The following NCS1 variants were observed in gnomAD, a reference collection of about 807,000 sequenced individuals.
NCS1 encodes the protein frequenin homolog.
In NCS1, 6 loss-of-function variants were observed where a neutral mutation model predicts 28.4. That is an observed-to-expected ratio of 0.21 (90% CI 0.12 to 0.42). The LOEUF is 0.42. Ranked by LOEUF, NCS1 falls within the 10% of genes least tolerant of loss-of-function variation. NCS1 has a pLI of 1.00. For synonymous variants in NCS1, 86 were observed against 99.3 expected (o/e 0.87, Z 0.79); for missense variants, 131 against 241.4 (o/e 0.54, Z 3.03).
intron 6 of NCS1, among the ~76,000 whole-genome samples, chr9:130,223,781 A>AT (rs1189604572): frequency 8.6e-5 from 13 of 151,950 alleles, no homozygotes; most frequent in African/African-American, 2.7e-4. Context: ...AAAAAGGCTG[A>AT]TTTTTTTTCC....
intron 2 of NCS1, among the ~76,000 whole-genome samples, chr9:130,208,727 C>A (rs1490808967): frequency 1.3e-5 from 2 of 152,220 alleles, no homozygotes; most frequent in African/African-American, 2.4e-5. Flanking sequence ...GCGGAGACAG[C>A]CTCTCAGCAA....
At chr9:130,208,063 CTG>C (rs1212479606) in intron 2 of NCS1, among the ~76,000 whole-genome samples, 6 of 152,158 alleles carry the variant, frequency 3.9e-5, no homozygotes, top group African/African-American at 7.2e-5. Flanking sequence ...GTAAAGGTGA[CTG>C]TGAGCTCTGT....
chr9:130,221,447 G>GAGAGAAAGAGAGAGAA (rs1833300956), intron 4 of NCS1, among the ~76,000 whole-genome samples: 1 of 140,414 alleles, frequency 7.1e-6, no homozygotes, highest in Non-Finnish European at 1.5e-5. Flanking sequence ...GAGAGAGAGA[G>GAGAGAAAGAGAGAGAA]AGAGAAAGAG....
At chr9:130,214,512 C>T (rs1833157114) in intron 2 of NCS1, among the ~76,000 whole-genome samples, 1 of 152,160 alleles carries the variant, frequency 6.6e-6, no homozygotes, top group Admixed American at 6.5e-5. Context: ...GGGATTCCTG[C>T]TGAACTGACT....
At chr9:130,185,228 C>A (rs781791048) in intron 1 of NCS1, among the ~76,000 whole-genome samples, 8 of 152,240 alleles carry the variant, frequency 5.3e-5, no homozygotes, top group African/African-American at 9.6e-5. Flanking sequence ...CTGTGAGGAC[C>A]GACTGCATCT....
intron 1 of NCS1, among the ~76,000 whole-genome samples, chr9:130,185,776 G>A (rs1274101846): frequency 6.6e-6 from 1 of 152,270 alleles, no homozygotes; most frequent in Non-Finnish European, 1.5e-5. Context: ...CACTGGCCGG[G>A]TTCTTGCCCC....
rs532168572 is a variant in NCS1 at position 130,180,977 on chromosome 9, C to A, written c.64+8250C>A. Among the ~76,000 whole-genome samples, 2 of 152,230 alleles carry A rather than the reference C, an allele frequency of 1.3e-5. No homozygotes were observed. The highest frequency in any genetic ancestry group is 4.1e-4 in the South Asian group (2 of 4,826). ...GCAGGCTGGCTTTTAGGCTCCTGTG[C>A]GCCCAGGGGCTCAGAGGATGGACAG... On this transcript the variant is annotated intron_variant, in intron 1 of 7. Coordinates refer to ENST00000372398, the MANE Select transcript of NCS1 (RefSeq NM_014286.4). The surrounding 1 kb of genome is among the most constrained non-coding windows in gnomAD (Gnocchi z 4.5).
intron 1 of NCS1, 33 bp downstream of exon 1, chr9:130,172,760 C>T (rs1832500445): frequency 1.5e-6 from 2 of 1,357,086 alleles, no homozygotes; most frequent in African/African-American, 3.1e-5. Context: ...CCGCGCCCCG[C>T]GGTCACCCCC....
chr9:130,184,018 G>A (rs1554905419), intron 1 of NCS1, among the ~76,000 whole-genome samples: 1 of 151,936 alleles, frequency 6.6e-6, no homozygotes, highest in Non-Finnish European at 1.5e-5. Flanking sequence ...CACTATGTTA[G>A]CCAGGATGGT....
intron 4 of NCS1, among the ~76,000 whole-genome samples, chr9:130,221,581 G>A (rs181706163): frequency 0.015 from 2,144 of 144,480 alleles, 24 homozygotes; most frequent in Non-Finnish European, 0.025. Flanking sequence ...ACAGGCGCCC[G>A]CCACCACACC....
chr9:130,188,974 C>T (rs782185248), intron 1 of NCS1, among the ~76,000 whole-genome samples: 16 of 152,172 alleles, frequency 1.1e-4, no homozygotes, highest in African/African-American at 3.9e-4. Context: ...GTCTTGGTCT[C>T]CCAAAGTGCT....
In NCS1 at chr9:130,209,902, G is replaced by A. The variant is rs1421447267; in HGVS notation, c.90-7930G>A. ...CGCAGGCCCCGTTCTTCACAGCCTG[G>A]GCCTGCCTCTGAGGTCTGGCACCAT... On this transcript the variant is annotated intron_variant, in intron 2 of 7. Transcript: ENST00000372398. This position sits in a 1 kb window ranked among gnomAD's most constrained non-coding sequence, Gnocchi z 4.4. Among the ~76,000 whole-genome samples the A allele has an allele frequency of 6.6e-6, 1 of 152,002 alleles. No individual in the cohort carries two copies. The highest frequency in any genetic ancestry group is 6.6e-5 in the Admixed American group (1 of 15,260).
At chr9:130,221,403 T>TAGAGAG (rs1261194261) in intron 4 of NCS1, among the ~76,000 whole-genome samples, 1 of 42,302 alleles carries the variant, frequency 2.4e-5, no homozygotes, top group African/African-American at 8.9e-5. Flanking sequence ...TATATATATA[T>TAGAGAG]ATATATATAT....
intron 1 of NCS1, among the ~76,000 whole-genome samples, chr9:130,188,787 G>T (rs1832775497): frequency 6.6e-6 from 1 of 151,856 alleles, no homozygotes. Context: ...TGCAATCTTG[G>T]CTTGCTGCAA....
chr9:130,172,580 GGCCCGGCCC>G lies in NCS1; in HGVS notation c.-74_-66del. The G allele has an allele frequency of 5.7e-6, 4 of 705,838 alleles. No homozygotes were observed. The highest frequency in any genetic ancestry group is 7.2e-6 in the Non-Finnish European group (4 of 555,972). 43.7% of individuals were successfully genotyped at this position (705,838 alleles called of 1,614,324 possible). On this transcript the variant is annotated 5_prime_UTR_variant, in exon 1 of 8. Coordinates refer to ENST00000372398, the MANE Select transcript of NCS1 (RefSeq NM_014286.4). ...GCGCCGCAGACAAAGGCGCGGCCCC[GGCCCGGCCC>G]GCCCGGCCCAGCCGCTCCTGCTGGG...
intron 2 of NCS1, among the ~76,000 whole-genome samples, chr9:130,211,312 C>A (rs1191870501): frequency 6.6e-6 from 1 of 151,676 alleles, no homozygotes; most frequent in Non-Finnish European, 1.5e-5. Context: ...CATGGTGGAC[C>A]CCCAGAGCCA....
At chr9:130,183,134 A>G (rs782665308) in intron 1 of NCS1, among the ~76,000 whole-genome samples, 1 of 152,180 alleles carries the variant, frequency 6.6e-6, no homozygotes, top group Non-Finnish European at 1.5e-5. Flanking sequence ...CCTGACCTAC[A>G]GTCTGTCGGG....
At position 130,219,955 on chromosome 9, in the gene NCS1, G is replaced by A. The variant is rs1833251689; in HGVS notation, c.307+152G>A. ...GCTGTGTCTGCAGAGGGCAGGCCTG[G>A]GCCCTGGGCAGGTGGCCCTCACACG... On this transcript the variant is annotated intron_variant, in intron 4 of 7. Transcript: ENST00000372398. This position sits in a 1 kb window ranked among gnomAD's most constrained non-coding sequence, Gnocchi z 5.7. The A allele has an allele frequency of 1.2e-6, 1 of 868,354 alleles. No homozygotes were observed. The highest frequency in any genetic ancestry group is 1.9e-6 in the Non-Finnish European group (1 of 538,934). 53.8% of individuals were successfully genotyped at this position (868,354 alleles called of 1,614,324 possible). A position where few individuals can be genotyped will look rare whatever the true frequency, so the allele number is the denominator to read the frequency against.
chr9:130,199,100 T>C (rs1476782475), intron 1 of NCS1, among the ~76,000 whole-genome samples: 1 of 4,152 alleles, frequency 2.4e-4, no homozygotes, highest in African/African-American at 2.7e-4. Flanking sequence ...CTCTTTCTCT[T>C]TTTTTTTTTT....
Sources: gnomAD v4.1 joint callset for allele counts (sites outside exome capture counted in the v4.1 genomes callset) on GRCh38, gnomAD v4.1.1 for gene constraint, Gnocchi (gnomAD v3.1) non-coding constraint, MANE v1.5 for transcripts, NCBI Gene and HGNC (gene_info 2026-07-23, HGNC 2026-07-21) for gene names.